Variants in TANC2 observed in about 807,000 individuals in gnomAD.
TANC2 encodes tetratricopeptide repeat, ankyrin repeat and coiled-coil containing 2, also known as protein TANC2.
A neutral mutation model predicts 210.5 loss-of-function variants in TANC2; 26 were observed. The observed-to-expected ratio is 0.12, with a 90% confidence interval of 0.09 to 0.17. The LOEUF is 0.17. Among genes scored for constraint, TANC2 ranks in the 10% least tolerant of loss-of-function variants. TANC2 has a pLI of 1.00. For missense variants in TANC2, 2,129 were observed against 2,608.9 expected, an observed-to-expected ratio of 0.82 and a Z score of 4.01; for synonymous variants, 931 against 967.1, an observed-to-expected ratio of 0.96 and a Z score of 0.69.
At chr17:63,112,052 C>CA (rs1191949994) in intron 4 of TANC2, among the ~76,000 whole-genome samples, 1 of 152,126 alleles carries the variant, frequency 6.6e-6, no homozygotes, top group Non-Finnish European at 1.5e-5. Flanking sequence ...TCTATACCCT[C>CA]AAACCATATT....
intron 1 of TANC2, among the ~76,000 whole-genome samples, chr17:62,979,061 C>CT (rs927716092): frequency 6.6e-5 from 10 of 151,962 alleles, no homozygotes; most frequent in African/African-American, 1.2e-4. Context: ...GATCATAATC[C>CT]TTTTTTTTCA....
exon 13 of TANC2, chr17:63,351,354 A>C (rs768083183): frequency 6.2e-7 from 1 of 1,610,864 alleles, no homozygotes; most frequent in South Asian, 1.1e-5. Context: ...GTTTCTGAGT[A>C]AAATGATCGG....
intron 1 of TANC2, among the ~76,000 whole-genome samples, chr17:62,995,140 T>G (rs2033047507): frequency 1.3e-5 from 2 of 152,354 alleles, no homozygotes; most frequent in Middle Eastern, 3.4e-3. Context: ...CTTTTACAGT[T>G]TACATGCATT....
chr17:63,382,930 T>C (rs1181926118), intron 15 of TANC2, among the ~76,000 whole-genome samples: 2 of 152,256 alleles, frequency 1.3e-5, no homozygotes, highest in Non-Finnish European at 2.9e-5. Flanking sequence ...GATTTTCAAC[T>C]CTGGCTATAC....
chr17:62,986,930 A>G (rs2032597192), intron 1 of TANC2, among the ~76,000 whole-genome samples: 1 of 152,002 alleles, frequency 6.6e-6, no homozygotes, highest in Non-Finnish European at 1.5e-5. Context: ...TCGAAGAGCT[A>G]TTTCTGAGGC....
chr17:63,424,284 A>G (rs560029373), exon 28 of TANC2: 16 of 152,236 alleles, frequency 1.1e-4, no homozygotes, highest in African/African-American at 3.9e-4. Context: ...AACACCTAAA[A>G]TGTCAACAGT....
At chr17:63,180,085 A>G (rs1310685332) in intron 5 of TANC2, among the ~76,000 whole-genome samples, 1 of 151,858 alleles carries the variant, frequency 6.6e-6, no homozygotes, top group African/African-American at 2.4e-5. Context: ...TTCGAGGCTG[A>G]TCGTGTCACT....
chr17:63,031,994 A>T (rs2034789391), intron 2 of TANC2, among the ~76,000 whole-genome samples: 1 of 152,164 alleles, frequency 6.6e-6, no homozygotes, highest in African/African-American at 2.4e-5. Flanking sequence ...CAGCAAGTGT[A>T]AAGACGAAGT....
intron 3 of TANC2, among the ~76,000 whole-genome samples, chr17:63,093,010 C>G (rs748428555): frequency 6.6e-5 from 10 of 152,212 alleles, no homozygotes; most frequent in Non-Finnish European, 1.2e-4. Context: ...ATGTGTTTTG[C>G]AAGTATTTTC....
intron 4 of TANC2, 27 bp from the exon 5 acceptor site, chr17:63,151,243 T>C: frequency 4.2e-6 from 4 of 945,656 alleles, no homozygotes; most frequent in Non-Finnish European, 5.0e-6. Flanking sequence ...TGTCTCTTGC[T>C]TGCTCTCTCT....
At chr17:63,167,884 C>CAAAAAAAAAAA in intron 5 of TANC2, among the ~76,000 whole-genome samples, 1 of 63,992 alleles carries the variant, frequency 1.6e-5, no homozygotes, top group Non-Finnish European at 2.8e-5. Flanking sequence ...GACTCTGTCT[C>CAAAAAAAAAAA]AAAAAAAAAA....
At chr17:63,202,621 G>T (rs2145810984) in intron 7 of TANC2, among the ~76,000 whole-genome samples, 1 of 152,180 alleles carries the variant, frequency 6.6e-6, no homozygotes. Flanking sequence ...GTGAATGTAT[G>T]GGCTTATATT....
chr17:63,338,796 A>G (rs2046123442), intron 11 of TANC2: 1 of 152,248 alleles, frequency 6.6e-6, no homozygotes, highest in South Asian at 2.1e-4. Flanking sequence ...TATATGTAGT[A>G]ACATTTCCTG....
chr17:63,338,514 C>T (rs1242732803), intron 11 of TANC2, among the ~76,000 whole-genome samples: 1 of 152,120 alleles, frequency 6.6e-6, no homozygotes, highest in African/African-American at 2.4e-5. Context: ...TAGAGGTTTG[C>T]TGTTTGCTTT....
chr17:63,127,781 C>T (rs779976993), intron 4 of TANC2, among the ~76,000 whole-genome samples: 2 of 152,140 alleles, frequency 1.3e-5, no homozygotes, highest in African/African-American at 2.4e-5. Flanking sequence ...ATTTTATTTG[C>T]GTTCTGCATA....
chr17:63,314,672 A>G lies in TANC2; in HGVS notation c.1441+3A>G. On this transcript the variant is annotated splice_donor_region_variant and intron_variant, in intron 10 of 27. Coordinates refer to ENST00000689528, the Ensembl canonical transcript of TANC2. ...CAGCCCACATGCCTCCCCCAAACGT[A>G]CGTATTCCTTTTTAAAGAACTCCCT... is the stretch of plus-strand genomic sequence containing the variant. The G allele has an allele frequency of 6.2e-7, 1 of 1,610,174 alleles. No individual in the cohort carries two copies.
intron 21 of TANC2, among the ~76,000 whole-genome samples, chr17:63,411,261 A>C (rs965410236): frequency 1.3e-5 from 2 of 152,194 alleles, no homozygotes; most frequent in Admixed American, 6.5e-5. Flanking sequence ...ACAGGTATAG[A>C]GAGTAATTAG....
chr17:63,194,264 A>G lies in TANC2; in HGVS notation c.582+125A>G, dbSNP rs1342196549. On this transcript the variant is annotated intron_variant, in intron 6 of 27. Coordinates refer to ENST00000689528, the Ensembl canonical transcript of TANC2. ...AACTTAACTTTCCATAATCACTATTATTTCTTCAGTTTATGAATAATCTTT... is the reference window on the plus strand; with the variant it reads ...AACTTAACTTTCCATAATCACTATTGTTTCTTCAGTTTATGAATAATCTTT... The G allele has an allele frequency of 6.7e-6, 7 of 1,039,428 alleles. No homozygotes were observed. In the African/African-American group the frequency reaches 1.1e-4, roughly 17 times the overall value. 64.4% of individuals were successfully genotyped at this position (1,039,428 alleles called of 1,614,324 possible). A position where few individuals can be genotyped will look rare whatever the true frequency, so the allele number is the denominator to read the frequency against.
intron 8 of TANC2, among the ~76,000 whole-genome samples, chr17:63,243,960 C>T (rs757759972): frequency 5.9e-5 from 9 of 152,030 alleles, no homozygotes; most frequent in Non-Finnish European, 1.3e-4. Context: ...AAAATGCATG[C>T]CTTTTACAGA....
Sources: allele counts gnomAD v4.1 joint callset (sites outside exome capture counted in the v4.1 genomes callset), GRCh38; gene constraint gnomAD v4.1.1; transcripts MANE v1.5; gene names NCBI Gene and HGNC (gene_info 2026-07-23, HGNC 2026-07-21).